SHB: variants seen among roughly 807,000 people sequenced by gnomAD.
SHB encodes the protein SH2 domain containing adaptor protein B, also known as SH2 domain-containing adapter protein B.
A neutral mutation model predicts 52.3 loss-of-function variants in SHB; 20 were observed. The observed-to-expected ratio is 0.38, with a 90% CI of 0.27 to 0.56. The LOEUF (loss-of-function observed/expected upper bound fraction) is 0.56. Ranked by LOEUF, SHB falls within the 20% of genes least tolerant of loss-of-function variation. The pLI, the probability that SHB is intolerant of heterozygous loss-of-function variation, is 0.71. For synonymous variants in SHB, 397 were observed against 316.5 expected (o/e 1.25, Z -2.70); for missense variants, 825 against 723.3 (o/e 1.14, Z -1.61).
Position 37,966,338 on chromosome 9 carries a change from T to TTTC in SHB, c.1054+8281_1054+8283dup, listed in dbSNP as rs138040076. On this transcript the variant is annotated intron_variant, in intron 3 of 5. Transcript: ENST00000377707. ...GGAGACAAAGGCACTTGGAGGAATATTTCTATCAATGTAATTAGCAGATGA... is the reference window on the plus strand; with the variant it reads ...GGAGACAAAGGCACTTGGAGGAATATTTCTTCTATCAATGTAATTAGCAGATGA... Among the ~76,000 whole-genome samples the TTTC allele has an allele frequency of 9.7e-3, 1,472 of 152,318 alleles. 24 individuals carry two copies. The highest frequency in any genetic ancestry group is 0.033 in the African/African-American group (1,377 of 41,572).
At chr9:38,032,604 C>T (rs1821429181) in intron 1 of SHB, among the ~76,000 whole-genome samples, 1 of 152,232 alleles carries the variant, frequency 6.6e-6, no homozygotes, top group South Asian at 2.1e-4. Flanking sequence ...CTGCAACCTG[C>T]CCTGCCCGGG....
At chr9:38,061,219 G>A (rs902103342) in intron 1 of SHB, among the ~76,000 whole-genome samples, 1 of 151,916 alleles carries the variant, frequency 6.6e-6, no homozygotes, top group Non-Finnish European at 1.5e-5. Flanking sequence ...GGCTGAGGTG[G>A]GAGAATCGCC....
At chr9:38,051,440 TAAAAAAAA>T (rs59860349) in intron 1 of SHB, among the ~76,000 whole-genome samples, 9 of 107,540 alleles carry the variant, frequency 8.4e-5, no homozygotes, top group African/African-American at 2.9e-4. Flanking sequence ...AGACTCCGTC[TAAAAAAAA>T]AAAAAAAAAA....
chr9:38,057,968 T>C (rs546978006), intron 1 of SHB, among the ~76,000 whole-genome samples: 3 of 152,360 alleles, frequency 2.0e-5, no homozygotes, highest in Admixed American at 6.5e-5. Flanking sequence ...AGCTCAGCCA[T>C]GCAACATAGC....
chr9:38,040,067 CTCAGAAATTAG>C (rs1398299135), intron 1 of SHB, among the ~76,000 whole-genome samples: 2 of 152,360 alleles, frequency 1.3e-5, no homozygotes, highest in East Asian at 3.9e-4. Context: ...GTTTTTCCTC[CTCAGAAATTAG>C]TACACTACCT....
At position 38,004,320 on chromosome 9, in the gene SHB, G is replaced by A. The variant is rs562828316; in HGVS notation, c.838+11691C>T. Among the ~76,000 whole-genome samples the A allele has an allele frequency of 4.3e-4, 65 of 152,282 alleles. 3 individuals carry two copies. The East Asian group carries it at 0.011, about 25-fold the overall frequency. On this transcript the variant is annotated intron_variant, in intron 2 of 5. Coordinates refer to ENST00000377707, the MANE Select transcript of SHB (RefSeq NM_003028.3). ...AGGCACCTGGGGAAAGCAGCAGATC[G>A]GGAGCCTGAAGCATGCAGAGGCTTC...
intron 1 of SHB, among the ~76,000 whole-genome samples, chr9:38,034,948 C>T (rs900347656): frequency 6.6e-6 from 1 of 152,224 alleles, no homozygotes; most frequent in Non-Finnish European, 1.5e-5. Flanking sequence ...CTGCCCACCT[C>T]GGCCTCCCAA....
chr9:37,925,432 A>T (rs1832237222), intron 5 of SHB, among the ~76,000 whole-genome samples: 3 of 152,170 alleles, frequency 2.0e-5, no homozygotes. Context: ...ACGCTTTTCA[A>T]ATCAGAAAGT....
At chr9:37,924,617 G>T (rs965314829) in intron 5 of SHB, among the ~76,000 whole-genome samples, 1 of 152,140 alleles carries the variant, frequency 6.6e-6, no homozygotes, top group African/African-American at 2.4e-5. Flanking sequence ...GATGTCCCCA[G>T]AACATTAGCC....
In SHB at chr9:37,987,575, G is replaced by C. The variant is rs943931; in HGVS notation, c.839-12738C>G. Among the ~76,000 whole-genome samples the C allele has an allele frequency of 2.9e-4, 44 of 152,356 alleles. 1 individual carries two copies. In the South Asian group the frequency reaches 8.9e-3, roughly 31 times the overall value. Reference sequence around the variant, plus strand: ...CTCTGTCCGGATCCCACAAGGTTGAGTGACACCAGGCAAGTCGCTTCCTCC... The same window carrying C: ...CTCTGTCCGGATCCCACAAGGTTGACTGACACCAGGCAAGTCGCTTCCTCC... On this transcript the variant is annotated intron_variant, in intron 2 of 5. Coordinates refer to ENST00000377707, the MANE Select transcript of SHB (RefSeq NM_003028.3).
At position 37,976,032 on chromosome 9, in the gene SHB, T is replaced by TTA. The variant is rs539146232; in HGVS notation, c.839-1196_839-1195insTA. Among the ~76,000 whole-genome samples the TTA allele has an allele frequency of 2.8e-3, 431 of 152,266 alleles. 1 individual carries two copies. The highest frequency in any genetic ancestry group is 0.01 in the African/African-American group (416 of 41,532). ...AATACATATAATAACATTGAGCACT[T>TTA]TTTTATTTTATTTTATTTTTTGAGA... On this transcript the variant is annotated intron_variant, in intron 2 of 5. Coordinates refer to ENST00000377707, the MANE Select transcript of SHB (RefSeq NM_003028.3).
At chr9:37,959,646 TGTGGAG>T (rs1247720379) in intron 3 of SHB, among the ~76,000 whole-genome samples, 1 of 152,126 alleles carries the variant, frequency 6.6e-6, no homozygotes, top group Non-Finnish European at 1.5e-5. Flanking sequence ...AGAACATGAT[TGTGGAG>T]GGAGCCCAAG....
intron 2 of SHB, among the ~76,000 whole-genome samples, chr9:37,999,019 C>T (rs1195138363): frequency 6.6e-6 from 1 of 152,156 alleles, no homozygotes; most frequent in Non-Finnish European, 1.5e-5. Flanking sequence ...GAAGTCCCTG[C>T]GGGATCACAG....
At chr9:38,024,736 C>A (rs1479533651) in intron 1 of SHB, among the ~76,000 whole-genome samples, 1 of 152,174 alleles carries the variant, frequency 6.6e-6, no homozygotes, top group Non-Finnish European at 1.5e-5. Flanking sequence ...ATACCTCAAT[C>A]CTAGAATTTC....
At chr9:37,997,468 C>T (rs925333906) in intron 2 of SHB, among the ~76,000 whole-genome samples, 6 of 152,222 alleles carry the variant, frequency 3.9e-5, no homozygotes, top group Non-Finnish European at 5.9e-5. Flanking sequence ...CTCCTTTTCC[C>T]CTGGAACCTG....
At chr9:37,984,958 C>A (rs963092391) in intron 2 of SHB, among the ~76,000 whole-genome samples, 5 of 152,144 alleles carry the variant, frequency 3.3e-5, no homozygotes, top group African/African-American at 9.7e-5. Flanking sequence ...GGAGCTGGAG[C>A]CACCCCAACC....
chr9:37,962,199 C>T (rs1832699133), intron 3 of SHB, among the ~76,000 whole-genome samples: 2 of 152,224 alleles, frequency 1.3e-5, no homozygotes, highest in African/African-American at 2.4e-5. Context: ...GACCCTGACC[C>T]ATGGTCACAT....
At chr9:37,979,335 GAAAGA>G (rs964505715) in intron 2 of SHB, among the ~76,000 whole-genome samples, 17 of 152,178 alleles carry the variant, frequency 1.1e-4, no homozygotes, top group African/African-American at 3.9e-4. Flanking sequence ...TACATACATA[GAAAGA>G]AAAGAAGACT....
intron 2 of SHB, among the ~76,000 whole-genome samples, chr9:37,985,556 C>T (rs532238202): frequency 6.6e-6 from 1 of 152,380 alleles, no homozygotes; most frequent in East Asian, 1.9e-4. Flanking sequence ...CTGAGGCGAG[C>T]TTGCTGCTCT....
Sources: gnomAD v4.1 joint callset for allele counts (sites outside exome capture counted in the v4.1 genomes callset) on GRCh38, gnomAD v4.1.1 for gene constraint, MANE v1.5 for transcripts, NCBI Gene and HGNC (gene_info 2026-07-23, HGNC 2026-07-21) for gene names.